Variants in PRAG1 observed in about 807,000 individuals in gnomAD.
PRAG1 encodes the protein inactive tyrosine-protein kinase PRAG1.
Under a neutral mutation model 95.6 loss-of-function variants are expected in PRAG1, and 110 were observed. The ratio of observed to expected loss-of-function variants is 1.15; its 90% CI spans 0.99 to 1.35. The LOEUF is 1.35. Ranked by LOEUF, PRAG1 falls within the 40% of genes most tolerant of loss-of-function variation. PRAG1 has a pLI of 0.00. For missense variants in PRAG1, 2,554 were observed against 1,864.7 expected (o/e 1.37, Z -6.81); for synonymous variants, 1,052 against 819.4 (o/e 1.28, Z -4.85).
intron 1 of PRAG1, among the ~76,000 whole-genome samples, chr8:8,385,744 T>G (rs1800824914): frequency 6.6e-6 from 1 of 152,160 alleles, no homozygotes; most frequent in East Asian, 1.9e-4. Flanking sequence ...ATGTTCTAAG[T>G]GTGTGTGTCC....
intron 3 of PRAG1, among the ~76,000 whole-genome samples, chr8:8,372,647 C>G (rs1400996948): frequency 6.6e-6 from 1 of 152,188 alleles, no homozygotes; most frequent in African/African-American, 2.4e-5. Context: ...GAGCCTTTCT[C>G]CTGCAGGGCA....
chr8:8,348,558 C>G (rs951636562), intron 3 of PRAG1, among the ~76,000 whole-genome samples: 4 of 152,124 alleles, frequency 2.6e-5, no homozygotes, highest in Non-Finnish European at 4.4e-5. Flanking sequence ...GCAGGCTCGT[C>G]TTTGTCCTCT....
intron 4 of PRAG1, among the ~76,000 whole-genome samples, chr8:8,331,319 C>T (rs560958107): frequency 3.9e-5 from 6 of 152,202 alleles, no homozygotes; most frequent in African/African-American, 1.2e-4. Context: ...ACCAGTATGC[C>T]CCTTTCTGCT....
At chr8:8,351,928 G>A (rs147263672) in intron 3 of PRAG1, among the ~76,000 whole-genome samples, 2,059 of 152,256 alleles carry the variant, frequency 0.014, 17 homozygotes, top group Non-Finnish European at 0.018. Context: ...CCACTTGGGA[G>A]TCACTGCAGT....
rs867447479 is a variant in PRAG1 at position 8,328,198 on chromosome 8, A to C, written c.2584T>G (p.Phe862Val). ...TTCCCGGGGCTCAACGAATAGCTAAAGTGAGATTCGTCGTGGACGTTGGTT... is the reference window on the plus strand; with the variant it reads ...TTCCCGGGGCTCAACGAATAGCTAACGTGAGATTCGTCGTGGACGTTGGTT... Reference protein sequence around the residue: ...SETNVHDESHFSYSLSPGNRH... With the variant: ...SETNVHDESHVSYSLSPGNRH... Residue 862 changes from phenylalanine to valine, a missense_variant, in exon 5 of 6, where the codon TTT becomes GTT. Coordinates refer to ENST00000615670, the MANE Select transcript of PRAG1 (RefSeq NM_001080826.3). 14 of 1,614,096 alleles carry C rather than the reference A, an allele frequency of 8.7e-6. No individual in the cohort carries two copies. The South Asian group carries it at 8.8e-5, about 10-fold the overall frequency.
intron 3 of PRAG1, among the ~76,000 whole-genome samples, chr8:8,372,822 T>C (rs910843804): frequency 2.0e-5 from 3 of 152,286 alleles, no homozygotes; most frequent in African/African-American, 4.8e-5. Context: ...TTTTGTAAAA[T>C]AGGGCGATAA....
At chr8:8,346,543 C>A (rs1202867187) in intron 3 of PRAG1, among the ~76,000 whole-genome samples, 1 of 152,182 alleles carries the variant, frequency 6.6e-6, no homozygotes, top group African/African-American at 2.4e-5. Context: ...CCAGAGTGGT[C>A]TCCATACTAT....
chr8:8,322,071 T>C (rs1225232747), intron 5 of PRAG1, among the ~76,000 whole-genome samples: 1 of 152,226 alleles, frequency 6.6e-6, no homozygotes, highest in Non-Finnish European at 1.5e-5. Context: ...ATCTAACACA[T>C]ATGTTTTTAC....
intron 3 of PRAG1, among the ~76,000 whole-genome samples, chr8:8,370,170 A>G (rs1163820806): frequency 1.3e-5 from 2 of 152,282 alleles, no homozygotes; most frequent in Non-Finnish European, 2.9e-5. Context: ...AAGAAGTTGT[A>G]GAACAAGACT....
chr8:8,345,589 G>A (rs1015852688), intron 3 of PRAG1, among the ~76,000 whole-genome samples: 3 of 152,044 alleles, frequency 2.0e-5, no homozygotes, highest in East Asian at 3.9e-4. Flanking sequence ...CCAGGAGTTC[G>A]AGACCACCCT....
intron 3 of PRAG1, among the ~76,000 whole-genome samples, chr8:8,373,552 C>G (rs998127960): frequency 2.6e-5 from 4 of 151,300 alleles, no homozygotes; most frequent in African/African-American, 7.3e-5. Flanking sequence ...TGGGCTCAAG[C>G]CATCCTCCCA....
chr8:8,328,472 G>C lies in PRAG1; in HGVS notation c.2321-11C>G, dbSNP rs760554883. On this transcript the variant is annotated splice_polypyrimidine_tract_variant and intron_variant, in intron 4 of 5. Coordinates refer to ENST00000615670, the MANE Select transcript of PRAG1 (RefSeq NM_001080826.3). The stretch of plus-strand genomic sequence containing the variant: ...GCTCAGACGAGGGACCTGAAGAGGA[G>C]AGACAGAAACCATAAGACCAAGGCC... 2 of 1,612,880 alleles carry C rather than the reference G, an allele frequency of 1.2e-6. No homozygotes were observed. Among genetic ancestry groups the C allele is most frequent in the East Asian group, 2.2e-5 (1 of 44,874 alleles).
chr8:8,317,775 C>CT lies in PRAG1; in HGVS notation c.*378dup, dbSNP rs889064431. 9.9e-3 allele frequency: 1,472 copies of CT among 148,994 alleles called. 11 individuals carry two copies. The highest frequency in any genetic ancestry group is 0.024 in the African/African-American group (969 of 40,280). The allele number at this position is 148,994 out of a possible 1,614,324, so 9.2% of individuals were successfully genotyped here. ...AAAAAAATTTTAATGGAATTTTCTT[C>CT]TTTTTTTTTTTTCTTTAAATAACAA... On this transcript the variant is annotated 3_prime_UTR_variant, in exon 6 of 6. Coordinates refer to ENST00000615670, the MANE Select transcript of PRAG1 (RefSeq NM_001080826.3).
Position 8,381,785 on chromosome 8 carries a change from C to G in PRAG1, c.-38G>C, listed in dbSNP as rs370041330. 6.7e-7 allele frequency: 1 copy of G among 1,499,452 alleles called. No individual in the cohort carries two copies. Among genetic ancestry groups the G allele is most frequent in the Non-Finnish European group, 9.0e-7 (1 of 1,115,938 alleles). The allele number at this position is 1,499,452 out of a possible 1,614,324, so 92.9% of individuals were successfully genotyped here. A position where few individuals can be genotyped will look rare whatever the true frequency, so the allele number is the denominator to read the frequency against. ...GGGTGCTGGTTCATCTTGCGCCCGG[C>G]TCTCTGGTGCAGTTTTGTGGGATTC... On this transcript the variant is annotated 5_prime_UTR_variant, in exon 2 of 6. Transcript: ENST00000615670.
intron 3 of PRAG1, among the ~76,000 whole-genome samples, chr8:8,350,329 C>G (rs553600886): frequency 6.6e-6 from 1 of 152,244 alleles, no homozygotes; most frequent in East Asian, 1.9e-4. Flanking sequence ...GAACTCATAG[C>G]TTGGCTCCAT....
intron 3 of PRAG1, among the ~76,000 whole-genome samples, chr8:8,367,128 A>G (rs1400882923): frequency 1.3e-5 from 2 of 152,170 alleles, no homozygotes; most frequent in African/African-American, 4.8e-5. Flanking sequence ...CCAAATGATC[A>G]GAATTGGCAT....
rs774323145 is a variant in PRAG1 at position 8,328,100 on chromosome 8, C to T, written c.2682G>A (p.Pro894=). The stretch of plus-strand genomic sequence containing the variant: ...CTCTGTTGCCCGCCAGCCCTGCTGC[C>T]GGAAGCCAGTGGCCACTGCCTTTGA... The part of the protein sequence containing the change: ...KAFKGSGHWL[P]AAGLAGNRGG... The change falls in exon 5 of 6, where the codon CCG becomes CCA. Residue 894 remains proline (P), a synonymous_variant. Transcript: ENST00000615670. 9.3e-6 allele frequency: 15 copies of T among 1,611,512 alleles called. No individual in the cohort carries two copies. Among genetic ancestry groups the T allele is most frequent in the African/African-American group, 8.0e-5 (6 of 74,866 alleles).
intron 3 of PRAG1, among the ~76,000 whole-genome samples, chr8:8,345,662 G>A (rs985109139): frequency 1.8e-4 from 27 of 152,132 alleles, no homozygotes; most frequent in African/African-American, 6.5e-4. Context: ...AAGCACGGTG[G>A]TGTATGCCTG....
intron 3 of PRAG1, among the ~76,000 whole-genome samples, chr8:8,360,919 A>G (rs1384099148): frequency 6.6e-6 from 1 of 152,236 alleles, no homozygotes; most frequent in Non-Finnish European, 1.5e-5. Context: ...ATCTGCTGCC[A>G]GAATATTTTG....
Sources: gnomAD v4.1 joint callset for allele counts (sites outside exome capture counted in the v4.1 genomes callset) on GRCh38, gnomAD v4.1.1 for gene constraint, MANE v1.5 for transcripts, NCBI Gene and HGNC (gene_info 2026-07-23, HGNC 2026-07-21) for gene names.